The following GLIPR1L2 variants were observed in gnomAD, a reference collection of about 807,000 sequenced individuals.
GLIPR1L2 encodes the protein GLIPR1-like protein 2.
A neutral mutation model predicts 28.4 loss-of-function variants in GLIPR1L2; 21 were observed. That is an observed-to-expected ratio of 0.74 (90% CI 0.52 to 1.06). GLIPR1L2 has a LOEUF of 1.06. Ranked by LOEUF, GLIPR1L2 falls within the 50% of genes least tolerant of loss-of-function variation. GLIPR1L2 has a pLI of 0.00. For synonymous variants in GLIPR1L2, 145 were observed against 139.3 expected, an observed-to-expected ratio of 1.04 and a Z score of -0.29; for missense variants, 476 against 416.9, an observed-to-expected ratio of 1.14 and a Z score of -1.23.
chr12:75,411,173 A>G lies in GLIPR1L2; in HGVS notation c.480+494A>G, dbSNP rs1026409034. ...TTGAAGCACTTTTCATTTCAAGTAC[A>G]TAACCTTTGTTATTTTATACATCAC... On this transcript the variant is annotated intron_variant, in intron 2 of 5. Coordinates refer to ENST00000550916, the MANE Select transcript of GLIPR1L2 (RefSeq NM_001270396.2). 3.3e-5 allele frequency among the ~76,000 whole-genome samples: 5 copies of G among 151,870 alleles called. No homozygotes were observed. The East Asian group carries it at 7.7e-4, about 23-fold the overall frequency.
chr12:75,426,867 G>T (rs1594032967), intron 4 of GLIPR1L2, among the ~76,000 whole-genome samples: 1 of 152,302 alleles, frequency 6.6e-6, no homozygotes, highest in Middle Eastern at 3.4e-3. Context: ...TTGGGAGCAT[G>T]CAGTTACATT....
At chr12:75,425,468 G>A (rs949836958) in intron 4 of GLIPR1L2, among the ~76,000 whole-genome samples, 1 of 152,172 alleles carries the variant, frequency 6.6e-6, no homozygotes, top group Non-Finnish European at 1.5e-5. Flanking sequence ...GGGCCCAAGT[G>A]GGGTAAGGAA....
At chr12:75,391,796 T>A (rs1347753563) in intron 1 of GLIPR1L2, among the ~76,000 whole-genome samples, 1 of 152,176 alleles carries the variant, frequency 6.6e-6, no homozygotes, top group Non-Finnish European at 1.5e-5. Flanking sequence ...AGATTCTGTT[T>A]GTATTTGAAA....
intron 1 of GLIPR1L2, among the ~76,000 whole-genome samples, chr12:75,394,675 A>T (rs916190231): frequency 1.0e-4 from 15 of 149,980 alleles, no homozygotes; most frequent in African/African-American, 3.7e-4. Flanking sequence ...GCATTCTTCA[A>T]CTTTTTTCAT....
At chr12:75,427,315 G>T (rs2046044004) in intron 4 of GLIPR1L2, among the ~76,000 whole-genome samples, 1 of 151,998 alleles carries the variant, frequency 6.6e-6, no homozygotes, top group Non-Finnish European at 1.5e-5. Context: ...TCATACTAAG[G>T]TATCAATAGA....
At chr12:75,409,703 A>G (rs1191652607) in intron 1 of GLIPR1L2, among the ~76,000 whole-genome samples, 1 of 106,312 alleles carries the variant, frequency 9.4e-6, no homozygotes, top group Non-Finnish European at 2.1e-5. Flanking sequence ...CTAATCCGAT[A>G]TATATATAAG....
At chr12:75,430,257 T>TA (rs1316463974) in intron 4 of GLIPR1L2, among the ~76,000 whole-genome samples, 3 of 152,228 alleles carry the variant, frequency 2.0e-5, no homozygotes, top group African/African-American at 7.2e-5. Flanking sequence ...GCTATAGAGC[T>TA]AACTTTACCT....
In GLIPR1L2 at chr12:75,432,179, T is replaced by C. The variant is rs895554013; in HGVS notation, c.*1018T>C. 20 of 152,130 alleles carry C rather than the reference T, an allele frequency of 1.3e-4. No homozygotes were observed. Among genetic ancestry groups the C allele is most frequent in the African/African-American group, 3.4e-4 (14 of 41,448 alleles). The allele number at this position is 152,130 out of a possible 1,614,324, so 9.4% of individuals were successfully genotyped here. On this transcript the variant is annotated 3_prime_UTR_variant, in exon 6 of 6. Coordinates refer to ENST00000550916, the MANE Select transcript of GLIPR1L2 (RefSeq NM_001270396.2). ...GAACTCAGCACCTTATATGGCAAAA[T>C]AATAAATACCTTTTATTACTCAATT...
Position 75,431,202 on chromosome 12 carries a change from C to T in GLIPR1L2, c.*41C>T, listed in dbSNP as rs1223416814. 1 of 582,456 alleles carries T rather than the reference C, an allele frequency of 1.7e-6. No individual in the cohort carries two copies. The highest frequency in any genetic ancestry group is 3.0e-6 in the Non-Finnish European group (1 of 333,446). 36.1% of individuals were successfully genotyped at this position (582,456 alleles called of 1,614,324 possible). On this transcript the variant is annotated 3_prime_UTR_variant, in exon 6 of 6. Transcript: ENST00000550916. ...GAAAAAGATGTATCACCAATATAAACCAAAAGTGTAATACAAAAAAAGACA... is the reference window on the plus strand; with the variant it reads ...GAAAAAGATGTATCACCAATATAAATCAAAAGTGTAATACAAAAAAAGACA...
At position 75,413,702 on chromosome 12, in the gene GLIPR1L2, G is replaced by T. The variant is rs762038083; in HGVS notation, c.584+1G>T. 7.4e-7 allele frequency: 1 copy of T among 1,359,828 alleles called. No homozygotes were observed. The highest frequency in any genetic ancestry group is 2.6e-5 in the Admixed American group (1 of 38,884). The allele number at this position is 1,359,828 out of a possible 1,614,324, so 84.2% of individuals were successfully genotyped here. On this transcript the variant is annotated splice_donor_variant, in intron 3 of 5. Coordinates refer to ENST00000550916, the MANE Select transcript of GLIPR1L2 (RefSeq NM_001270396.2). LOFTEE classifies it high-confidence loss of function. Reference sequence around the variant, plus strand: ...TTTTCATATGCAACTATGCGCCAGGGTAAGTTACTTAAAATTAATAAAAGA... The same window carrying T: ...TTTTCATATGCAACTATGCGCCAGGTTAAGTTACTTAAAATTAATAAAAGA...
At chr12:75,409,548 T>G (rs937231678) in intron 1 of GLIPR1L2, among the ~76,000 whole-genome samples, 3 of 131,060 alleles carry the variant, frequency 2.3e-5, no homozygotes, top group Admixed American at 8.4e-5. Context: ...GTTAAAAGAT[T>G]TTTTTTGGGT....
chr12:75,415,628 C>T (rs976469397), intron 3 of GLIPR1L2, among the ~76,000 whole-genome samples: 1 of 152,036 alleles, frequency 6.6e-6, no homozygotes, highest in African/African-American at 2.4e-5. Context: ...TGGCGAAGTA[C>T]CTGCTTCCAA....
intron 1 of GLIPR1L2, among the ~76,000 whole-genome samples, chr12:75,393,086 C>T (rs936437151): frequency 3.3e-5 from 5 of 151,944 alleles, no homozygotes; most frequent in African/African-American, 1.2e-4. Context: ...AAAGTTAATA[C>T]CTGTAAACTC....
At chr12:75,407,366 GAATA>G (rs746696679) in intron 1 of GLIPR1L2, among the ~76,000 whole-genome samples, 37 of 151,966 alleles carry the variant, frequency 2.4e-4, no homozygotes, top group Non-Finnish European at 4.4e-4. Context: ...TTGAATGGAT[GAATA>G]AATAAATGAA....
chr12:75,424,448 T>C (rs1177902021), intron 4 of GLIPR1L2, among the ~76,000 whole-genome samples: 1 of 152,120 alleles, frequency 6.6e-6, no homozygotes, highest in Middle Eastern at 3.2e-3. Context: ...TTAAGTTCTT[T>C]GTAGATTCTG....
chr12:75,403,511 G>A (rs2045764732), intron 1 of GLIPR1L2, among the ~76,000 whole-genome samples: 1 of 152,014 alleles, frequency 6.6e-6, no homozygotes, highest in Admixed American at 6.6e-5. Context: ...TCCCGTTTTT[G>A]AGCCCCTGGT....
At chr12:75,406,779 G>A (rs74719728) in intron 1 of GLIPR1L2, among the ~76,000 whole-genome samples, 5,744 of 143,380 alleles carry the variant, frequency 0.04, 151 homozygotes, top group Non-Finnish European at 0.05. Flanking sequence ...AAAAAAGAGA[G>A]AGAGAGAGAA....
intron 1 of GLIPR1L2, among the ~76,000 whole-genome samples, chr12:75,406,299 C>A (rs1311513566): frequency 6.6e-6 from 1 of 152,048 alleles, no homozygotes; most frequent in Non-Finnish European, 1.5e-5. Flanking sequence ...CATTGCTTTT[C>A]CAAGATCAAA....
chr12:75,422,378 C>G (rs1281656124), intron 3 of GLIPR1L2, among the ~76,000 whole-genome samples: 1 of 151,194 alleles, frequency 6.6e-6, no homozygotes, highest in Non-Finnish European at 1.5e-5. Context: ...TCTCAGCTTA[C>G]TGCAAGCTCC....
Sources: allele counts gnomAD v4.1 joint callset (sites outside exome capture counted in the v4.1 genomes callset), GRCh38; gene constraint gnomAD v4.1.1; transcripts MANE v1.5; gene names NCBI Gene and HGNC (gene_info 2026-07-23, HGNC 2026-07-21).